Variants in CNTNAP2 observed in about 807,000 individuals in gnomAD.
CNTNAP2 encodes contactin-associated protein-like 2.
In CNTNAP2, 98 loss-of-function variants were observed where a neutral mutation model predicts 155.2. The ratio of observed to expected loss-of-function variants is 0.63; its 90% CI spans 0.54 to 0.75. The LOEUF (loss-of-function observed/expected upper bound fraction) is 0.75. Among genes scored for constraint, CNTNAP2 ranks in the 30% least tolerant of loss-of-function variants. CNTNAP2 has a pLI of 0.00. For missense variants in CNTNAP2, 1,727 were observed against 1,688.1 expected (o/e 1.02, Z -0.40); for synonymous variants, 651 against 631.2 (o/e 1.03, Z -0.47).
chr7:146,999,427 G>A (rs1798381169), intron 3 of CNTNAP2, among the ~76,000 whole-genome samples: 1 of 151,584 alleles, frequency 6.6e-6, no homozygotes, highest in African/African-American at 2.4e-5. Context: ...AAAATGTTTG[G>A]TTGCTACACC....
At chr7:146,786,884 T>A (rs532811787) in intron 2 of CNTNAP2, 2 of 152,354 alleles carry the variant, frequency 1.3e-5, no homozygotes, top group Admixed American at 6.5e-5. Context: ...GGTATCTGTT[T>A]GAACTGCGGG....
At chr7:146,882,971 T>C (rs958858878) in intron 3 of CNTNAP2, among the ~76,000 whole-genome samples, 1 of 152,180 alleles carries the variant, frequency 6.6e-6, no homozygotes, top group Non-Finnish European at 1.5e-5. Flanking sequence ...TGAATCAATA[T>C]TGTTAAAATG....
Position 147,329,018 on chromosome 7 carries a change from G to A in CNTNAP2, c.1498+28728G>A, listed in dbSNP as rs75774335. On this transcript the variant is annotated intron_variant, in intron 9 of 23. Coordinates refer to ENST00000361727, the MANE Select transcript of CNTNAP2 (RefSeq NM_014141.6). Reference sequence around the variant, plus strand: ...AAGGAATCTGCTGCTTTTACAAAGCGAAGGCACCTCTCCTCATCTGTCTCT... The same window carrying A: ...AAGGAATCTGCTGCTTTTACAAAGCAAAGGCACCTCTCCTCATCTGTCTCT... Among the ~76,000 whole-genome samples the A allele has an allele frequency of 5.0e-3, 762 of 152,206 alleles. 4 individuals carry two copies. Among genetic ancestry groups the A allele is most frequent in the African/African-American group, 0.017 (714 of 41,528 alleles).
rs1803785946 is a variant in CNTNAP2 at position 148,088,796 on chromosome 7, T to C, written c.2384-29322T>C. ...AAAAAATGAAGATGAAGAAACATTCTCAAACTCATTTTACCAGGCCAGCAT... is the reference window on the plus strand; with the variant it reads ...AAAAAATGAAGATGAAGAAACATTCCCAAACTCATTTTACCAGGCCAGCAT... On this transcript the variant is annotated intron_variant, in intron 15 of 23. Coordinates refer to ENST00000361727, the MANE Select transcript of CNTNAP2 (RefSeq NM_014141.6). Among the ~76,000 whole-genome samples, 4 of 151,924 alleles carry C rather than the reference T, an allele frequency of 2.6e-5. No homozygotes were observed. The South Asian group carries it at 6.2e-4, about 24-fold the overall frequency.
At chr7:147,280,286 A>T (rs994961376) in intron 8 of CNTNAP2, among the ~76,000 whole-genome samples, 3 of 151,932 alleles carry the variant, frequency 2.0e-5, no homozygotes, top group Non-Finnish European at 4.4e-5. Flanking sequence ...ACAGGAAAAC[A>T]ATAACAAAAG....
intron 9 of CNTNAP2, among the ~76,000 whole-genome samples, chr7:147,326,016 G>A (rs922139020): frequency 2.0e-5 from 3 of 152,034 alleles, no homozygotes; most frequent in Non-Finnish European, 2.9e-5. Context: ...TCCACCTCCT[G>A]GGTTCATGCC....
intron 14 of CNTNAP2, among the ~76,000 whole-genome samples, chr7:147,952,086 A>G (rs1022908739): frequency 2.0e-5 from 3 of 151,914 alleles, no homozygotes; most frequent in Non-Finnish European, 2.9e-5. Context: ...CAAAATTAAG[A>G]TCATTCTTTG....
intron 13 of CNTNAP2, among the ~76,000 whole-genome samples, chr7:147,836,017 A>G (rs945476520): frequency 2.6e-5 from 4 of 152,120 alleles, no homozygotes; most frequent in African/African-American, 9.7e-5. Flanking sequence ...TGGCCTCCAG[A>G]GCTGTGAGCC....
chr7:147,266,272 G>C (rs1258197927), intron 8 of CNTNAP2, among the ~76,000 whole-genome samples: 3 of 152,192 alleles, frequency 2.0e-5, no homozygotes, highest in African/African-American at 7.2e-5. Flanking sequence ...AGAATAACCA[G>C]TTGAGAGAGA....
At chr7:147,262,879 C>T (rs181984664) in intron 8 of CNTNAP2, among the ~76,000 whole-genome samples, 1 of 152,322 alleles carries the variant, frequency 6.6e-6, no homozygotes, top group African/African-American at 2.4e-5. Flanking sequence ...AATGTACTGA[C>T]AACTTGGTCT....
chr7:147,175,812 A>G (rs1802327395), intron 8 of CNTNAP2, among the ~76,000 whole-genome samples: 1 of 152,164 alleles, frequency 6.6e-6, no homozygotes. Context: ...AGCTGCATAA[A>G]ATGTCTCTAT....
In CNTNAP2 at chr7:147,903,708, G is replaced by C. The variant is rs371691712; in HGVS notation, c.2242G>C (p.Asp748His). ...CAAGTACTACTGTAACTGCGACGCGGACTACAAGCAATGGTGAGTGCCTGC... is the reference window on the plus strand; with the variant it reads ...CAAGTACTACTGTAACTGCGACGCGCACTACAAGCAATGGTGAGTGCCTGC... Reference protein sequence around the residue: ...DPKYYCNCDADYKQWRKDAGF... With the variant: ...DPKYYCNCDAHYKQWRKDAGF... Residue 748 changes from aspartate to histidine, a missense_variant, in exon 14 of 24, where the codon GAC becomes CAC. Transcript: ENST00000361727. 1 of 1,613,636 alleles carries C rather than the reference G, an allele frequency of 6.2e-7. No individual in the cohort carries two copies. The highest frequency in any genetic ancestry group is 2.2e-5 in the East Asian group (1 of 44,822).
rs374400116 is a variant in CNTNAP2 at position 147,078,754 on chromosome 7, A to AT, written c.551-29380dup. Among the ~76,000 whole-genome samples the AT allele has an allele frequency of 4.0e-3, 577 of 145,432 alleles. 5 individuals are homozygous for AT. The highest frequency in any genetic ancestry group is 0.023 in the South Asian group (105 of 4,608). On this transcript the variant is annotated intron_variant, in intron 4 of 23. Coordinates refer to ENST00000361727, the MANE Select transcript of CNTNAP2 (RefSeq NM_014141.6). ...TTTTCTTCTTTAATTGTCTCATTTA[A>AT]TTTTTTTTTTTTTGAGATAGAGTCT...
At chr7:147,443,086 C>T (rs1184091827) in intron 10 of CNTNAP2, among the ~76,000 whole-genome samples, 1 of 152,120 alleles carries the variant, frequency 6.6e-6, no homozygotes, top group Admixed American at 6.5e-5. Flanking sequence ...AGCACTAGGA[C>T]TTAGGAGTTG....
intron 1 of CNTNAP2, among the ~76,000 whole-genome samples, chr7:146,750,538 C>A (rs1801885488): frequency 6.6e-6 from 1 of 152,132 alleles, no homozygotes; most frequent in Non-Finnish European, 1.5e-5. Flanking sequence ...TAATAAAGAT[C>A]AGATGCTGTG....
At chr7:147,365,327 AC>A (rs1796209600) in intron 9 of CNTNAP2, among the ~76,000 whole-genome samples, 1 of 144,976 alleles carries the variant, frequency 6.9e-6, no homozygotes, top group Non-Finnish European at 1.5e-5. Flanking sequence ...GTGAGACGAG[AC>A]CAGGCCATTG....
At chr7:146,118,968 A>T (rs1797525227) in intron 1 of CNTNAP2, among the ~76,000 whole-genome samples, 1 of 152,146 alleles carries the variant, frequency 6.6e-6, no homozygotes. Context: ...AATAATAAGG[A>T]TGCTACAGAA....
At position 146,210,590 on chromosome 7, in the gene CNTNAP2, C is replaced by T. The variant is rs968373198; in HGVS notation, c.97+93617C>T. Among the ~76,000 whole-genome samples the T allele has an allele frequency of 7.2e-5, 11 of 152,150 alleles. No individual in the cohort carries two copies. The South Asian group carries it at 1.2e-3, about 17-fold the overall frequency. On this transcript the variant is annotated intron_variant, in intron 1 of 23. Coordinates refer to ENST00000361727, the MANE Select transcript of CNTNAP2 (RefSeq NM_014141.6). ...AAGTGCTGGAATTACAGGTGTGAGCCGTTGTGCCTGGCCTGAGTATACTGT... is the reference window on the plus strand; with the variant it reads ...AAGTGCTGGAATTACAGGTGTGAGCTGTTGTGCCTGGCCTGAGTATACTGT...
chr7:146,674,733 C>G (rs1800367844), intron 1 of CNTNAP2, among the ~76,000 whole-genome samples: 1 of 151,966 alleles, frequency 6.6e-6, no homozygotes, highest in African/African-American at 2.4e-5. Context: ...GGGGAAGAGA[C>G]TAGATAAAGA....
Sources: allele counts gnomAD v4.1 joint callset (sites outside exome capture counted in the v4.1 genomes callset), GRCh38; gene constraint gnomAD v4.1.1; transcripts MANE v1.5; gene names NCBI Gene and HGNC (gene_info 2026-07-23, HGNC 2026-07-21).